The following RGS7 variants were observed in gnomAD, a reference collection of about 807,000 sequenced individuals.
The protein encoded by RGS7 is regulator of G protein signaling 7.
In RGS7, 27 loss-of-function variants were observed where a neutral mutation model predicts 81.1. The observed-to-expected ratio is 0.33, with a 90% CI of 0.25 to 0.46. The LOEUF (loss-of-function observed/expected upper bound fraction) is 0.46, where lower values mean the gene tolerates loss of function less well. RGS7 is among the 20% of genes least tolerant of loss of function. The probability of loss-of-function intolerance (pLI) is 1.00; values close to 1 mark genes in which losing one functional copy is unlikely to be tolerated. For missense variants in RGS7, 396 were observed against 607.4 expected (o/e 0.65, Z 3.66); for synonymous variants, 208 against 207.7 (o/e 1.00, Z -0.01).
chr1:240,853,431 C>T (rs1040335325), intron 9 of RGS7, among the ~76,000 whole-genome samples: 1 of 152,120 alleles, frequency 6.6e-6, no homozygotes, highest in Non-Finnish European at 1.5e-5. Flanking sequence ...CAGATTAATA[C>T]GAAAGCTACA....
intron 2 of RGS7, among the ~76,000 whole-genome samples, chr1:241,172,325 G>T (rs2070792342): frequency 6.6e-6 from 1 of 152,116 alleles, no homozygotes; most frequent in East Asian, 1.9e-4. Context: ...CGACTTGGAT[G>T]AGGAAAATGC....
chr1:241,184,026 G>T (rs933737916), intron 2 of RGS7, among the ~76,000 whole-genome samples: 2 of 152,180 alleles, frequency 1.3e-5, no homozygotes, highest in African/African-American at 4.8e-5. Context: ...TAGCTCACCT[G>T]TGGATCCTGG....
At position 240,887,226 on chromosome 1, in the gene RGS7, G is replaced by GTTTTTTT. The variant is rs71297739; in HGVS notation, c.386-17114_386-17108dup. 1.0e-3 allele frequency among the ~76,000 whole-genome samples: 78 copies of GTTTTTTT among 76,416 alleles called. 2 individuals carry two copies. Among genetic ancestry groups the GTTTTTTT allele is most frequent in the African/African-American group, 2.8e-3 (76 of 26,870 alleles). 50.1% of individuals were successfully genotyped at this position (76,416 alleles called of 152,430 possible). A position where few individuals can be genotyped will look rare whatever the true frequency, so the allele number is the denominator to read the frequency against. Reference sequence around the variant, plus strand: ...TTTGAAGATCATTTTGAGTATATAGGTTTTTTTTTTTTTTTTTTTTGAGAT... The same window carrying GTTTTTTT: ...TTTGAAGATCATTTTGAGTATATAGGTTTTTTTTTTTTTTTTTTTTTTTTTTTGAGAT... On this transcript the variant is annotated intron_variant, in intron 6 of 18. Coordinates refer to ENST00000440928, the MANE Select transcript of RGS7 (RefSeq NM_001364886.1).
chr1:241,014,781 T>C (rs2059137629), intron 3 of RGS7, among the ~76,000 whole-genome samples: 2 of 152,216 alleles, frequency 1.3e-5, no homozygotes, highest in Admixed American at 1.3e-4. Context: ...GAAACAACTA[T>C]GAAAATCTTG....
chr1:241,295,436 G>C (rs970598013), intron 2 of RGS7, among the ~76,000 whole-genome samples: 2 of 150,952 alleles, frequency 1.3e-5, no homozygotes, highest in Non-Finnish European at 2.9e-5. Flanking sequence ...CTGGGTGACA[G>C]AGCAAGACTC....
intron 4 of RGS7, among the ~76,000 whole-genome samples, chr1:240,947,748 C>T (rs1678881429): frequency 1.3e-5 from 2 of 152,188 alleles, no homozygotes; most frequent in South Asian, 2.1e-4. Context: ...TAGATCAAGT[C>T]GCTCCTGTGC....
chr1:241,020,354 C>T (rs1189586377), intron 3 of RGS7, among the ~76,000 whole-genome samples: 12 of 152,248 alleles, frequency 7.9e-5, no homozygotes, highest in Admixed American at 7.2e-4. Context: ...TTGACAGGGT[C>T]ATACTCCCTT....
intron 2 of RGS7, among the ~76,000 whole-genome samples, chr1:241,147,702 A>G (rs908120804): frequency 5.4e-5 from 8 of 147,778 alleles, no homozygotes; most frequent in African/African-American, 7.5e-5. Context: ...ATCACTTTCA[A>G]TCAATTCACA....
At chr1:240,850,952 T>A (rs148790330) in intron 9 of RGS7, among the ~76,000 whole-genome samples, 21 of 152,214 alleles carry the variant, frequency 1.4e-4, no homozygotes, top group African/African-American at 4.8e-4. Context: ...CAGAGGTTGG[T>A]TCATGAAGTT....
chr1:241,117,249 A>G (rs1024905333), intron 2 of RGS7, among the ~76,000 whole-genome samples: 1 of 152,194 alleles, frequency 6.6e-6, no homozygotes, highest in Non-Finnish European at 1.5e-5. Flanking sequence ...ACAATCCTTT[A>G]CATTTCAACC....
chr1:240,834,737 T>G (rs1352643000), intron 9 of RGS7, among the ~76,000 whole-genome samples: 3 of 152,070 alleles, frequency 2.0e-5, no homozygotes, highest in Non-Finnish European at 2.9e-5. Context: ...GGTCTCCATC[T>G]CCTGACCTCG....
rs767396741 is a variant in RGS7, at chr1:241,072,307, G to A, written c.175+26359C>T. On this transcript the variant is annotated intron_variant, in intron 3 of 18. Coordinates refer to ENST00000440928, the MANE Select transcript of RGS7 (RefSeq NM_001364886.1). ...AGCCATGTAGGCAAGACTCAATGGC[G>A]TTGGAACCGTGTCTGGGCAGAATGC... 8.9e-4 allele frequency among the ~76,000 whole-genome samples: 135 copies of A among 152,344 alleles called. No homozygotes were observed. The Middle Eastern group carries it at 0.017, about 19-fold the overall frequency.
Position 240,909,552 on chromosome 1 carries a change from T to A in RGS7, c.385+21165A>T, listed in dbSNP as rs192371099. 2.0e-5 allele frequency among the ~76,000 whole-genome samples: 3 copies of A among 152,288 alleles called. No individual in the cohort carries two copies. The East Asian group carries it at 5.8e-4, about 29-fold the overall frequency. ...TGTCATAACAAGATGTCTTTGAAACTCAGCTCTAAATGCTAGCATGGATGG... is the reference window on the plus strand; with the variant it reads ...TGTCATAACAAGATGTCTTTGAAACACAGCTCTAAATGCTAGCATGGATGG... On this transcript the variant is annotated intron_variant, in intron 6 of 18. Transcript: ENST00000440928.
chr1:241,042,025 T>C (rs966980487), intron 3 of RGS7, among the ~76,000 whole-genome samples: 3 of 152,176 alleles, frequency 2.0e-5, no homozygotes, highest in African/African-American at 7.2e-5. Flanking sequence ...GTGACTAAGA[T>C]ACTGCAGTGG....
At chr1:240,953,492 A>C (rs1679884469) in intron 4 of RGS7, among the ~76,000 whole-genome samples, 1 of 151,970 alleles carries the variant, frequency 6.6e-6, no homozygotes, top group South Asian at 2.1e-4. Context: ...TTAGTAACCC[A>C]TAGGTCAAAG....
chr1:241,259,176 C>T (rs2077185006), intron 2 of RGS7, among the ~76,000 whole-genome samples: 1 of 152,104 alleles, frequency 6.6e-6, no homozygotes, highest in Non-Finnish European at 1.5e-5. Context: ...AACATCCGTT[C>T]AATTTTCTCT....
chr1:241,252,377 T>A (rs2148221871), intron 2 of RGS7, among the ~76,000 whole-genome samples: 1 of 152,250 alleles, frequency 6.6e-6, no homozygotes, highest in South Asian at 2.1e-4. Context: ...TAAAAGCAAC[T>A]GAAACAGATG....
At chr1:241,336,205 C>G (rs1310029681) in intron 2 of RGS7, among the ~76,000 whole-genome samples, 1 of 151,948 alleles carries the variant, frequency 6.6e-6, no homozygotes, top group Non-Finnish European at 1.5e-5. Flanking sequence ...GCCACATGTC[C>G]CAGTAGAACT....
intron 6 of RGS7, among the ~76,000 whole-genome samples, chr1:240,887,986 C>T (rs1667664880): frequency 6.6e-6 from 1 of 152,166 alleles, no homozygotes. Flanking sequence ...TACTCTTTTT[C>T]TATTCACATA....
Sources: gnomAD v4.1 joint callset for allele counts (sites outside exome capture counted in the v4.1 genomes callset) on GRCh38, gnomAD v4.1.1 for gene constraint, MANE v1.5 for transcripts, NCBI Gene and HGNC (gene_info 2026-07-23, HGNC 2026-07-21) for gene names.